The following IMMP2L variants were observed in gnomAD, a reference collection of about 807,000 sequenced individuals.
IMMP2L encodes mitochondrial inner membrane protease subunit 2.
A neutral mutation model predicts 19.3 loss-of-function variants in IMMP2L; 18 were observed. The ratio of observed to expected loss-of-function variants is 0.93; its 90% CI spans 0.64 to 1.38. IMMP2L has a LOEUF of 1.38. Ranked by LOEUF, IMMP2L falls within the 40% of genes most tolerant of loss-of-function variation. The probability of loss-of-function intolerance (pLI) is 0.00; values close to 1 mark genes in which losing one functional copy is unlikely to be tolerated. For missense variants in IMMP2L, 233 were observed against 218.2 expected (o/e 1.07, Z -0.43); for synonymous variants, 76 against 73.0 (o/e 1.04, Z -0.21).
At chr7:111,465,206 C>T (rs958317942) in intron 3 of IMMP2L, among the ~76,000 whole-genome samples, 1 of 152,050 alleles carries the variant, frequency 6.6e-6, no homozygotes, top group African/African-American at 2.4e-5. Flanking sequence ...TGGTGTACAT[C>T]CTAAGTCCTC....
chr7:111,016,675 AAT>A (rs1223663882), intron 3 of IMMP2L, among the ~76,000 whole-genome samples: 1 of 105,922 alleles, frequency 9.4e-6, no homozygotes, highest in Non-Finnish European at 1.7e-5. Context: ...AAACATATAT[AAT>A]ATATAAATTA....
chr7:111,439,933 T>G (rs901847400), intron 3 of IMMP2L, among the ~76,000 whole-genome samples: 2 of 151,940 alleles, frequency 1.3e-5, no homozygotes, highest in African/African-American at 4.9e-5. Flanking sequence ...GTTCATAGCA[T>G]CTTCACCAGG....
At chr7:110,878,325 C>G (rs904811324) in intron 5 of IMMP2L, among the ~76,000 whole-genome samples, 5 of 152,036 alleles carry the variant, frequency 3.3e-5, no homozygotes, top group Admixed American at 3.3e-4. Context: ...ACCCTCAAAC[C>G]TATGAATAGA....
intron 3 of IMMP2L, among the ~76,000 whole-genome samples, chr7:111,253,316 T>C (rs958300044): frequency 1.3e-5 from 2 of 152,150 alleles, no homozygotes; most frequent in Non-Finnish European, 2.9e-5. Flanking sequence ...GTGTTAAGTG[T>C]ACAGCAGAGC....
At chr7:111,162,284 T>C (rs1805351439) in intron 3 of IMMP2L, among the ~76,000 whole-genome samples, 3 of 152,222 alleles carry the variant, frequency 2.0e-5, no homozygotes, top group South Asian at 4.1e-4. Context: ...TAAAAGAATC[T>C]TGAAGAAATT....
intron 5 of IMMP2L, among the ~76,000 whole-genome samples, chr7:110,846,340 C>A (rs1197074104): frequency 1.4e-5 from 2 of 144,720 alleles, no homozygotes; most frequent in East Asian, 4.3e-4. Flanking sequence ...TCTCTCCAAC[C>A]CTGATTTCTT....
chr7:111,004,251 C>A (rs1237224951), intron 3 of IMMP2L, among the ~76,000 whole-genome samples: 1 of 152,114 alleles, frequency 6.6e-6, no homozygotes, highest in African/African-American at 2.4e-5. Context: ...AATCATAGCT[C>A]ACTGCAGCCT....
chr7:111,333,920 C>T (rs1403869932), intron 3 of IMMP2L, among the ~76,000 whole-genome samples: 1 of 152,080 alleles, frequency 6.6e-6, no homozygotes, highest in Non-Finnish European at 1.5e-5. Flanking sequence ...GCTTTATATA[C>T]ACATCTAACT....
chr7:110,726,648 C>T (rs1020139315), intron 5 of IMMP2L, among the ~76,000 whole-genome samples: 1 of 152,162 alleles, frequency 6.6e-6, no homozygotes, highest in Non-Finnish European at 1.5e-5. Flanking sequence ...GATCTCTTTC[C>T]TCACCTCAGC....
At chr7:111,045,246 C>T (rs1414369897) in intron 3 of IMMP2L, among the ~76,000 whole-genome samples, 3 of 152,212 alleles carry the variant, frequency 2.0e-5, no homozygotes, top group Admixed American at 6.5e-5. Context: ...CCATTTCCCT[C>T]ACCTGTCAGA....
At chr7:110,689,827 C>T (rs1793370142) in intron 5 of IMMP2L, among the ~76,000 whole-genome samples, 2 of 152,144 alleles carry the variant, frequency 1.3e-5, no homozygotes, top group African/African-American at 4.8e-5. Context: ...TTCAACATAG[C>T]AGATTTGTAC....
intron 3 of IMMP2L, chr7:111,483,626 C>T (rs541476227): frequency 1.3e-5 from 2 of 152,272 alleles, no homozygotes; most frequent in East Asian, 1.9e-4. Flanking sequence ...ACCCACCTCC[C>T]TCTGCCAGAT....
intron 3 of IMMP2L, among the ~76,000 whole-genome samples, chr7:111,121,510 C>G (rs1445408161): frequency 6.6e-6 from 1 of 152,104 alleles, no homozygotes; most frequent in African/African-American, 2.4e-5. Flanking sequence ...CAGAGAAATG[C>G]AAATCAAAAC....
At chr7:110,837,367 G>A (rs538622405) in intron 5 of IMMP2L, among the ~76,000 whole-genome samples, 59 of 152,000 alleles carry the variant, frequency 3.9e-4, no homozygotes, top group Middle Eastern at 3.4e-3. Context: ...GGAAACAAAA[G>A]GCAGAGAGAC....
chr7:111,323,381 C>T (rs1824956478), intron 3 of IMMP2L, among the ~76,000 whole-genome samples: 1 of 151,926 alleles, frequency 6.6e-6, no homozygotes, highest in African/African-American at 2.4e-5. Flanking sequence ...CCAAAAGGCA[C>T]ATGAAAAAAT....
chr7:111,342,062 C>T (rs1324195928), intron 3 of IMMP2L, among the ~76,000 whole-genome samples: 1 of 152,062 alleles, frequency 6.6e-6, no homozygotes, highest in Non-Finnish European at 1.5e-5. Flanking sequence ...CGGCACAAAA[C>T]AGGCCAAGAC....
intron 3 of IMMP2L, among the ~76,000 whole-genome samples, chr7:111,445,663 T>C (rs1011817913): frequency 3.9e-5 from 6 of 151,914 alleles, no homozygotes; most frequent in African/African-American, 1.5e-4. Flanking sequence ...AGGGCGGAGA[T>C]TGGGAAATGG....
intron 3 of IMMP2L, among the ~76,000 whole-genome samples, chr7:111,240,033 A>G (rs1814818044): frequency 6.6e-6 from 1 of 151,928 alleles, no homozygotes; most frequent in Non-Finnish European, 1.5e-5. Flanking sequence ...TTGTCACAAT[A>G]ATGGATGTTT....
chr7:111,010,036 T>C (rs972421304), intron 3 of IMMP2L, among the ~76,000 whole-genome samples: 3 of 152,270 alleles, frequency 2.0e-5, no homozygotes, highest in Admixed American at 6.6e-5. Context: ...TGAGTCCTAA[T>C]TGAACAGTTA....
Sources: allele counts gnomAD v4.1 joint callset (sites outside exome capture counted in the v4.1 genomes callset), GRCh38; gene constraint gnomAD v4.1.1; transcripts MANE v1.5; gene names NCBI Gene and HGNC (gene_info 2026-07-23, HGNC 2026-07-21).